TMEM131L: variants seen among roughly 807,000 people sequenced by gnomAD.
TMEM131L encodes transmembrane 131 like.
TMEM131L carries 54 observed loss-of-function variants against 192.2 expected under a neutral mutation model. The ratio of observed to expected loss-of-function variants is 0.28; its 90% CI spans 0.23 to 0.35. The LOEUF (loss-of-function observed/expected upper bound fraction) is 0.35, where lower values mean the gene tolerates loss of function less well. Among genes scored for constraint, TMEM131L ranks in the 10% least tolerant of loss-of-function variants. TMEM131L has a pLI of 1.00. For synonymous variants in TMEM131L, 701 were observed against 704.9 expected, an observed-to-expected ratio of 0.99 and a Z score of 0.09; for missense variants, 1,888 against 1,972.9, an observed-to-expected ratio of 0.96 and a Z score of 0.82.
At position 153,498,037 on chromosome 4, in the gene TMEM131L, G is replaced by A. The variant is rs541897208; in HGVS notation, c.239+24149G>A. Among the ~76,000 whole-genome samples the A allele has an allele frequency of 8.5e-5, 13 of 152,314 alleles. No individual in the cohort carries two copies. In the South Asian group the frequency reaches 2.5e-3, roughly 29 times the overall value. ...TGGCTAAAGAAAAACGTTGTGTTCC[G>A]TTCTTTTTTTATTGTGTCGGATTTA... On this transcript the variant is annotated intron_variant, in intron 3 of 34. Coordinates refer to ENST00000409959, the MANE Select transcript of TMEM131L (RefSeq NM_001131007.2).
intron 3 of TMEM131L, among the ~76,000 whole-genome samples, chr4:153,534,669 G>C (rs1162659506): frequency 1.3e-5 from 2 of 152,100 alleles, no homozygotes; most frequent in African/African-American, 4.8e-5. Flanking sequence ...TCCTGACCTC[G>C]TGATACGCCC....
At chr4:153,526,898 T>C (rs1735529793) in intron 3 of TMEM131L, among the ~76,000 whole-genome samples, 1 of 152,176 alleles carries the variant, frequency 6.6e-6, no homozygotes, top group South Asian at 2.1e-4. Context: ...TCACATCATG[T>C]CTATTCTGTT....
intron 3 of TMEM131L, among the ~76,000 whole-genome samples, chr4:153,540,172 G>A (rs1736670461): frequency 6.6e-6 from 1 of 151,838 alleles, no homozygotes. Context: ...TGTCAGTTCA[G>A]TGTGTTTTAG....
intron 7 of TMEM131L, among the ~76,000 whole-genome samples, chr4:153,567,410 G>GT (rs1009003165): frequency 6.6e-6 from 1 of 152,174 alleles, no homozygotes; most frequent in East Asian, 1.9e-4. Flanking sequence ...AGATGTAACT[G>GT]TTTTTTGTTG....
intron 16 of TMEM131L, among the ~76,000 whole-genome samples, chr4:153,590,036 T>C (rs1163546467): frequency 6.6e-6 from 1 of 152,268 alleles, no homozygotes; most frequent in Non-Finnish European, 1.5e-5. Flanking sequence ...CATGTAATTA[T>C]ATTGTTTAAT....
chr4:153,603,160 T>A (rs1731965535), intron 23 of TMEM131L, 143 bp from the exon 24 acceptor site: 2 of 686,552 alleles, frequency 2.9e-6, no homozygotes, highest in Non-Finnish European at 4.5e-6. Context: ...ACATCAGAAA[T>A]TATGTGATAA....
intron 12 of TMEM131L, among the ~76,000 whole-genome samples, chr4:153,585,253 C>T (rs1448469764): frequency 1.3e-5 from 2 of 152,230 alleles, no homozygotes; most frequent in Non-Finnish European, 2.9e-5. Context: ...GTGCTGGCCG[C>T]AGCCTGGTTG....
At chr4:153,494,684 T>C (rs10857270) in intron 3 of TMEM131L, among the ~76,000 whole-genome samples, 151,251 of 152,332 alleles carry the variant, frequency 0.99, 75,100 homozygotes, top group Middle Eastern at 1. Context: ...ACCTTGCCTA[T>C]GGCTGTCTCA....
At chr4:153,526,965 G>A (rs1735535027) in intron 3 of TMEM131L, among the ~76,000 whole-genome samples, 1 of 152,074 alleles carries the variant, frequency 6.6e-6, no homozygotes, top group South Asian at 2.1e-4. Context: ...TTGTTTATAT[G>A]TATCTTTGTG....
chr4:153,579,536 G>T (rs1188132488), intron 7 of TMEM131L, among the ~76,000 whole-genome samples: 1 of 152,064 alleles, frequency 6.6e-6, no homozygotes, highest in East Asian at 1.9e-4. Flanking sequence ...GATTAAAAGA[G>T]TCACGGTTCA....
Position 153,604,281 on chromosome 4 carries a change from A to G in TMEM131L, c.3269A>G (p.Asp1090Gly). The change falls in exon 25 of 35, where the codon GAC becomes GGC. Residue 1090 changes from aspartate (D) to glycine (G), a missense_variant. Asp to Gly is a moderately conservative substitution (Grantham distance 94). Transcript: ENST00000409959. ...IQTCMFPKET[D>G]IKTSENTAEF... ...ACATGTATGTTTCCTAAGGAAACTGACATTAAAACTTCAGAGAACACAGCC... is the reference window on the plus strand; with the variant it reads ...ACATGTATGTTTCCTAAGGAAACTGGCATTAAAACTTCAGAGAACACAGCC... 1 of 1,614,162 alleles carries G rather than the reference A, an allele frequency of 6.2e-7. No individual in the cohort carries two copies. The highest frequency in any genetic ancestry group is 8.5e-7 in the Non-Finnish European group (1 of 1,180,014).
In TMEM131L at chr4:153,621,706, A is replaced by G; in HGVS notation, c.3716A>G (p.Lys1239Arg). Reference sequence around the variant, plus strand: ...AGGCCTCCTGAACAGAGTGATCTAAAGCTTGTGTGCAGTGACTTTGAGAGG... The same window carrying G: ...AGGCCTCCTGAACAGAGTGATCTAAGGCTTGTGTGCAGTGACTTTGAGAGG... ...VSRPPEQSDLKLVCSDFERSE... is the reference protein window; with the variant it reads ...VSRPPEQSDLRLVCSDFERSE... Residue 1239 changes from lysine (K) to arginine (R), a missense_variant, in exon 28 of 35, where the codon AAG becomes AGG. Transcript: ENST00000409959. The G allele has an allele frequency of 1.2e-6, 2 of 1,614,160 alleles. No individual in the cohort carries two copies. The highest frequency in any genetic ancestry group is 1.1e-5 in the South Asian group (1 of 91,082).
At chr4:153,627,804 C>A in intron 31 of TMEM131L, 117 bp downstream of exon 31, 1 of 747,718 alleles carries the variant, frequency 1.3e-6, no homozygotes, top group East Asian at 2.7e-5. Context: ...ATTTCCCCAC[C>A]AGCCCCTTCT....
chr4:153,631,781 G>A (rs1413852246), intron 31 of TMEM131L, among the ~76,000 whole-genome samples: 1 of 152,170 alleles, frequency 6.6e-6, no homozygotes, highest in African/African-American at 2.4e-5. Flanking sequence ...TGTCTTCTCT[G>A]CTCCCAATCC....
intron 3 of TMEM131L, among the ~76,000 whole-genome samples, chr4:153,520,330 G>T (rs1369977078): frequency 6.6e-6 from 1 of 152,050 alleles, no homozygotes; most frequent in Non-Finnish European, 1.5e-5. Context: ...AATTAGCTGG[G>T]TGTAGTGGCA....
chr4:153,567,176 A>G (rs1729266825), intron 7 of TMEM131L, among the ~76,000 whole-genome samples: 1 of 152,216 alleles, frequency 6.6e-6, no homozygotes, highest in African/African-American at 2.4e-5. Flanking sequence ...AAAGGGGCAC[A>G]TTTCTCCCTA....
intron 3 of TMEM131L, among the ~76,000 whole-genome samples, chr4:153,512,921 T>C (rs576165670): frequency 2.0e-5 from 3 of 152,324 alleles, no homozygotes; most frequent in Admixed American, 6.5e-5. Flanking sequence ...CCTTTATTTT[T>C]TAAGGTGTTA....
At chr4:153,589,589 A>G (rs1220672288) in intron 16 of TMEM131L, among the ~76,000 whole-genome samples, 3 of 152,336 alleles carry the variant, frequency 2.0e-5, no homozygotes, top group Non-Finnish European at 2.9e-5. Context: ...TTTTCACTTA[A>G]TATTTTCAGA....
intron 5 of TMEM131L, among the ~76,000 whole-genome samples, chr4:153,556,143 G>A (rs546841516): frequency 1.8e-4 from 28 of 152,060 alleles, no homozygotes; most frequent in African/African-American, 6.5e-4. Context: ...TTGGGGGAGA[G>A]TTTGAAGGCT....
Sources: allele counts gnomAD v4.1 joint callset (sites outside exome capture counted in the v4.1 genomes callset), GRCh38; gene constraint gnomAD v4.1.1; transcripts MANE v1.5; gene names NCBI Gene and HGNC (gene_info 2026-07-23, HGNC 2026-07-21).